INPPL1: variants seen among roughly 807,000 people sequenced by gnomAD.
INPPL1 encodes inositol polyphosphate phosphatase like 1.
A neutral mutation model predicts 139.3 loss-of-function variants in INPPL1; 91 were observed. That is an observed-to-expected ratio of 0.65 (90% CI 0.55 to 0.78). The LOEUF (loss-of-function observed/expected upper bound fraction) is 0.78, where lower values mean the gene tolerates loss of function less well. INPPL1 is among the 30% of genes least tolerant of loss of function. The pLI is 0.00. For missense variants in INPPL1, 1,411 were observed against 1,665.6 expected (o/e 0.85, Z 2.66); for synonymous variants, 719 against 686.6 (o/e 1.05, Z -0.74).
At chr11:72,230,658 T>A in intron 10 of INPPL1, 138 bp from the exon 11 acceptor site, 9 of 847,522 alleles carry the variant, frequency 1.1e-5, no homozygotes, top group Non-Finnish European at 1.7e-5. Flanking sequence ...AGCACTGTTA[T>A]ATGCTTGAGC....
In INPPL1 at chr11:72,237,638, G is replaced by C. The variant is rs575383574; in HGVS notation, c.3394G>C (p.Glu1132Gln). ...SVLQMAKTLS[E>Q]VDYAPAGPAR... Reference sequence around the variant, plus strand: ...GCTGCAGATGGCCAAGACGCTGAGCGAGGTGGACTATGCCCCTGCTGGGCC... The same window carrying C: ...GCTGCAGATGGCCAAGACGCTGAGCCAGGTGGACTATGCCCCTGCTGGGCC... The change falls in exon 26 of 28, where the codon GAG becomes CAG. Residue 1132 changes from glutamate (E) to glutamine (Q), a missense_variant. By Grantham distance (29) the Glu-to-Gln change is conservative. Around this residue, in one of 5 missense-constraint regions of INPPL1, gnomAD observed 438 missense variants for 425.7 expected, o/e 1.03. Coordinates refer to ENST00000298229, the MANE Select transcript of INPPL1 (RefSeq NM_001567.4). The C allele has an allele frequency of 6.2e-7, 1 of 1,610,236 alleles. No homozygotes were observed. The highest frequency in any genetic ancestry group is 1.1e-5 in the South Asian group (1 of 90,894).
chr11:72,234,049 G>A lies in INPPL1; in HGVS notation c.2213-232G>A, dbSNP rs1287475645. On this transcript the variant is annotated intron_variant, in intron 19 of 27. Transcript: ENST00000298229. This position sits in a 1 kb window ranked among gnomAD's most constrained non-coding sequence, Gnocchi z 4.2. ...GTGTGGGAATCCTGCAGGCATTCTG[G>A]TCCCCAGCACCCTCTTCAATGGGTT... Among the ~76,000 whole-genome samples, 1 of 152,120 alleles carries A rather than the reference G, an allele frequency of 6.6e-6. No homozygotes were observed. The highest frequency in any genetic ancestry group is 2.4e-5 in the African/African-American group (1 of 41,428).
intron 14 of INPPL1, 52 bp downstream of exon 14, chr11:72,232,388 G>T: frequency 6.7e-7 from 1 of 1,483,678 alleles, no homozygotes; most frequent in Non-Finnish European, 9.2e-7. Flanking sequence ...ATTCACCTGA[G>T]GCCTGTTCCC....
chr11:72,231,035 C>A lies in INPPL1; in HGVS notation c.1343C>A (p.Ser448Ter). The A allele has an allele frequency of 1.9e-6, 3 of 1,614,016 alleles. No homozygotes were observed. Among genetic ancestry groups the A allele is most frequent in the Non-Finnish European group, 2.5e-6 (3 of 1,179,970 alleles). The stretch of plus-strand genomic sequence containing the variant: ...AAAAACGTGACATCCTGGTTCACAT[C>A]GAAGGGTCTGGGGAAGACCCTGGAC... The part of the protein sequence containing the change: ...PPKNVTSWFT[S>*]KGLGKTLDEV... The change falls in exon 12 of 28, where the codon TCG becomes TAG. Residue 448 changes from serine to a stop codon, truncating the protein, a stop_gained. Transcript: ENST00000298229. LOFTEE classifies it high-confidence loss of function.
Position 72,235,485 on chromosome 11 carries a change from T to A in INPPL1, c.2659+34T>A. 6.2e-7 allele frequency: 1 copy of A among 1,604,666 alleles called. No individual in the cohort carries two copies. The highest frequency in any genetic ancestry group is 8.5e-7 in the Non-Finnish European group (1 of 1,177,366). ...TCCACTGGGACATGAGATAGGGTGGTGTGAACAGATCAAGGAGGGCAGGGT... is the reference window on the plus strand; with the variant it reads ...TCCACTGGGACATGAGATAGGGTGGAGTGAACAGATCAAGGAGGGCAGGGT... On this transcript the variant is annotated intron_variant, in intron 23 of 27. Coordinates refer to ENST00000298229, the MANE Select transcript of INPPL1 (RefSeq NM_001567.4). This position sits in a 1 kb window ranked among gnomAD's most constrained non-coding sequence, Gnocchi z 4.9.
chr11:72,225,600 G>A, intron 1 of INPPL1: 1 of 893,288 alleles, frequency 1.1e-6, no homozygotes, highest in Non-Finnish European at 1.3e-6. Flanking sequence ...ATGCCTGGCA[G>A]CTTCCTTAGG....
At chr11:72,227,896 AG>A (rs1948718933) in intron 1 of INPPL1, 1 of 468,958 alleles carries the variant, frequency 2.1e-6, no homozygotes, top group African/African-American at 2.0e-5. Flanking sequence ...ACAGCTGTGG[AG>A]GCCACAAAAG....
rs200295768 is a variant in INPPL1, at chr11:72,231,196, G to A, written c.1497+7G>A. ...GGATCTGGATTACCGCCCGGTGAGGGGGGGTCATCTTGTCCAGGACCCTGT... is the reference window on the plus strand; with the variant it reads ...GGATCTGGATTACCGCCCGGTGAGGAGGGGTCATCTTGTCCAGGACCCTGT... On this transcript the variant is annotated splice_region_variant and intron_variant, in intron 12 of 27. Coordinates refer to ENST00000298229, the MANE Select transcript of INPPL1 (RefSeq NM_001567.4). 8.4e-5 allele frequency: 135 copies of A among 1,607,428 alleles called. 1 individual carries two copies. The East Asian group carries it at 2.3e-3, about 27-fold the overall frequency.
At chr11:72,225,260 G>C (rs988673004) in intron 1 of INPPL1, 94 bp downstream of exon 1, 1 of 1,220,816 alleles carries the variant, frequency 8.2e-7, no homozygotes, top group East Asian at 3.2e-5. Context: ...TTTCTGGGGC[G>C]GTGGGACGCC....
Position 72,228,773 on chromosome 11 carries a change from C to T in INPPL1, c.444C>T (p.Thr148=), listed in dbSNP as rs572825150. 2.5e-5 allele frequency: 41 copies of T among 1,612,528 alleles called. No individual in the cohort carries two copies. The South Asian group carries it at 4.0e-4, about 16-fold the overall frequency. Residue 148 remains threonine, a synonymous_variant, in exon 4 of 28, where the codon ACC becomes ACT. Coordinates refer to ENST00000298229, the MANE Select transcript of INPPL1 (RefSeq NM_001567.4). This position sits in a 1 kb window ranked among gnomAD's most constrained non-coding sequence, Gnocchi z 5.0. ...KPPLPPRSGS[T]SISAPTGPSS... Reference sequence around the variant, plus strand: ...CGCTGCCCCCGCGCTCTGGCTCCACCAGCATTTCTGCCCCCACTGGGCCCA... The same window carrying T: ...CGCTGCCCCCGCGCTCTGGCTCCACTAGCATTTCTGCCCCCACTGGGCCCA...
In INPPL1 at chr11:72,229,760, G is replaced by T; in HGVS notation, c.843+8G>T. 1 of 1,612,572 alleles carries T rather than the reference G, an allele frequency of 6.2e-7. No homozygotes were observed. Among genetic ancestry groups the T allele is most frequent in the Admixed American group, 1.7e-5 (1 of 60,012 alleles). On this transcript the variant is annotated splice_region_variant and intron_variant, in intron 7 of 27. Coordinates refer to ENST00000298229, the MANE Select transcript of INPPL1 (RefSeq NM_001567.4). ...TCAGGCATCCAGAAGAAGGTGGCAT[G>T]ATCTCTGACCCTTGACCCCCGATTC...
At chr11:72,229,268 C>T (rs774136669) in intron 5 of INPPL1, 38 bp downstream of exon 5, 1 of 1,572,460 alleles carries the variant, frequency 6.4e-7, no homozygotes, top group East Asian at 2.2e-5. Context: ...TACACCCTTA[C>T]CTCTGACCTG....
chr11:72,229,621 C>T, intron 6 of INPPL1, 42 bp from the exon 7 acceptor site: 3 of 1,611,564 alleles, frequency 1.9e-6, no homozygotes, highest in Non-Finnish European at 2.5e-6. Context: ...GGAGGCTCTG[C>T]TTAGGTGACT....
intron 25 of INPPL1, 23 bp downstream of exon 25, chr11:72,236,009 GCCCCCCCTTC>G: frequency 7.4e-7 from 1 of 1,343,150 alleles, no homozygotes; most frequent in Non-Finnish European, 1.0e-6. Flanking sequence ...ACCTGTCACC[GCCCCCCCTTC>G]CCCCACCCAC....
Position 72,231,044 on chromosome 11 carries a change from TG to T in INPPL1, c.1356del (p.Lys453ArgfsTer8), listed in dbSNP as rs1466584087. ...NVTSWFTSKGLGKTLDEVTVT... is the reference protein window; with the variant it reads ...NVTSWFTSKGXGKTLDEVTVT... ...ACATCCTGGTTCACATCGAAGGGTC[TG>T]GGGAAGACCCTGGACGAGGTCACAG... On this transcript the variant is annotated frameshift_variant, in exon 12 of 28. Transcript: ENST00000298229. LOFTEE classifies it high-confidence loss of function. The T allele has an allele frequency of 6.8e-6, 11 of 1,614,016 alleles. No homozygotes were observed. Among genetic ancestry groups the T allele is most frequent in the Non-Finnish European group, 9.3e-6 (11 of 1,180,026 alleles).
Position 72,238,356 on chromosome 11 carries a change from G to C in INPPL1, c.*3G>C, listed in dbSNP as rs1447727953. The stretch of plus-strand genomic sequence containing the variant: ...ACACCCTGCAGCTCAGCAAGTGATA[G>C]CGGAGGCACCACGAAGCTGTGAACT... On this transcript the variant is annotated 3_prime_UTR_variant, in exon 28 of 28. Coordinates refer to ENST00000298229, the MANE Select transcript of INPPL1 (RefSeq NM_001567.4). 6.5e-7 allele frequency: 1 copy of C among 1,537,824 alleles called. No individual in the cohort carries two copies. The highest frequency in any genetic ancestry group is 8.7e-7 in the Non-Finnish European group (1 of 1,144,014).
At position 72,236,006 on chromosome 11, in the gene INPPL1, A is replaced by G; in HGVS notation, c.2879+20A>G. Reference sequence around the variant, plus strand: ...CCCCAGGTGAGAGGAGGAACCTGTCACCGCCCCCCCTTCCCCCACCCACCT... The same window carrying G: ...CCCCAGGTGAGAGGAGGAACCTGTCGCCGCCCCCCCTTCCCCCACCCACCT... On this transcript the variant is annotated intron_variant, in intron 25 of 27. Coordinates refer to ENST00000298229, the MANE Select transcript of INPPL1 (RefSeq NM_001567.4). The G allele has an allele frequency of 7.1e-7, 1 of 1,412,742 alleles. No individual in the cohort carries two copies. Among genetic ancestry groups the G allele is most frequent in the Non-Finnish European group, 9.6e-7 (1 of 1,037,146 alleles). The allele number at this position is 1,412,742 out of a possible 1,614,324, so 87.5% of individuals were successfully genotyped here. A position where few individuals can be genotyped will look rare whatever the true frequency, so the allele number is the denominator to read the frequency against.
chr11:72,226,934 G>C (rs991562768), intron 1 of INPPL1, among the ~76,000 whole-genome samples: 1 of 152,132 alleles, frequency 6.6e-6, no homozygotes, highest in Non-Finnish European at 1.5e-5. Flanking sequence ...GCTGTGAATG[G>C]GGTGAGGGGT....
intron 1 of INPPL1, among the ~76,000 whole-genome samples, chr11:72,227,126 A>G (rs751781156): frequency 2.1e-4 from 32 of 152,172 alleles, no homozygotes; most frequent in Non-Finnish European, 3.4e-4. Context: ...CATGCAAGAC[A>G]CGCCCCTGCC....
Sources: gnomAD v4.1 joint callset for allele counts (sites outside exome capture counted in the v4.1 genomes callset) on GRCh38, gnomAD v4.1.1 for gene constraint, gnomAD v4.1.1 regional missense constraint, Gnocchi (gnomAD v3.1) non-coding constraint, MANE v1.5 for transcripts, NCBI Gene and HGNC (gene_info 2026-07-23, HGNC 2026-07-21) for gene names.